Variants in PTPRO observed in about 807,000 individuals in gnomAD.
PTPRO encodes protein tyrosine phosphatase receptor type O.
A neutral mutation model predicts 145.2 loss-of-function variants in PTPRO; 62 were observed. That is an observed-to-expected ratio of 0.43 (90% CI 0.35 to 0.53). PTPRO has a LOEUF of 0.53. Ranked by LOEUF, PTPRO falls within the 20% of genes least tolerant of loss-of-function variation. The pLI is 0.01. For synonymous variants in PTPRO, 565 were observed against 514.7 expected (o/e 1.10, Z -1.32); for missense variants, 1,345 against 1,482.7 (o/e 0.91, Z 1.53).
At chr12:15,472,150 T>G (rs1450126201) in intron 1 of PTPRO, among the ~76,000 whole-genome samples, 1 of 152,214 alleles carries the variant, frequency 6.6e-6, no homozygotes, top group African/African-American at 2.4e-5. Flanking sequence ...TGATCATTTA[T>G]TGGGTTGCCA....
chr12:15,557,787 C>G (rs750487330), intron 16 of PTPRO, among the ~76,000 whole-genome samples: 3 of 152,056 alleles, frequency 2.0e-5, no homozygotes, highest in Non-Finnish European at 4.4e-5. Context: ...CACGCAGGAG[C>G]CCATACCTGT....
intron 1 of PTPRO, among the ~76,000 whole-genome samples, chr12:15,422,623 A>G (rs986977961): frequency 1.6e-4 from 24 of 152,306 alleles, no homozygotes; most frequent in African/African-American, 5.5e-4. Context: ...TTAGATAGAT[A>G]GGGGACTTGT....
chr12:15,363,335 T>C (rs1359757874), intron 1 of PTPRO, among the ~76,000 whole-genome samples: 3 of 152,170 alleles, frequency 2.0e-5, no homozygotes, highest in Non-Finnish European at 4.4e-5. Flanking sequence ...CATGCTCTAT[T>C]TTTCGAAGAA....
At chr12:15,473,851 A>C (rs1289091357) in intron 1 of PTPRO, among the ~76,000 whole-genome samples, 2 of 150,920 alleles carry the variant, frequency 1.3e-5, no homozygotes, top group Non-Finnish European at 3.0e-5. Context: ...ACTAGTATTT[A>C]TTGAGTTCAT....
intron 1 of PTPRO, among the ~76,000 whole-genome samples, chr12:15,329,927 A>C (rs1316662986): frequency 6.6e-6 from 1 of 152,238 alleles, no homozygotes; most frequent in East Asian, 1.9e-4. Flanking sequence ...ACACAAAGGC[A>C]GAGAAAACTG....
chr12:15,493,789 C>T (rs1032809310), intron 2 of PTPRO, among the ~76,000 whole-genome samples: 1 of 152,174 alleles, frequency 6.6e-6, no homozygotes, highest in Non-Finnish European at 1.5e-5. Context: ...CCCTTCTATT[C>T]AGGATTTTCA....
At chr12:15,461,148 G>C (rs1446737249) in intron 1 of PTPRO, among the ~76,000 whole-genome samples, 1 of 152,096 alleles carries the variant, frequency 6.6e-6, no homozygotes, top group African/African-American at 2.4e-5. Context: ...GGTTTCCTCT[G>C]CAAATAAGAA....
chr12:15,379,530 C>CA (rs1211403772), intron 1 of PTPRO, among the ~76,000 whole-genome samples: 13,627 of 49,136 alleles, frequency 0.28, 1,764 homozygotes, highest in Non-Finnish European at 0.39. Context: ...AGCTCCATCT[C>CA]AAAAAAAAAA....
chr12:15,414,011 C>A (rs981193614), intron 1 of PTPRO, among the ~76,000 whole-genome samples: 3 of 152,032 alleles, frequency 2.0e-5, no homozygotes, highest in African/African-American at 7.3e-5. Context: ...TCCCTAAGTA[C>A]AAATCATAAA....
At chr12:15,428,393 G>A (rs540610290) in intron 1 of PTPRO, among the ~76,000 whole-genome samples, 23 of 152,186 alleles carry the variant, frequency 1.5e-4, no homozygotes, top group African/African-American at 5.5e-4. Context: ...TTTGTGGGAG[G>A]AGAATACATG....
chr12:15,361,875 T>C (rs1938220927), intron 1 of PTPRO, among the ~76,000 whole-genome samples: 1 of 152,228 alleles, frequency 6.6e-6, no homozygotes, highest in South Asian at 2.1e-4. Flanking sequence ...ATTCATGTTA[T>C]AAATTAAATT....
chr12:15,386,389 T>C (rs1216432998), intron 1 of PTPRO, among the ~76,000 whole-genome samples: 1 of 152,024 alleles, frequency 6.6e-6, no homozygotes, highest in African/African-American at 2.4e-5. Flanking sequence ...TGAATAATAT[T>C]AAATGGAGCA....
chr12:15,517,021 T>C (rs765442398), intron 9 of PTPRO, 65 bp downstream of exon 9: 2 of 1,383,126 alleles, frequency 1.4e-6, no homozygotes, highest in Non-Finnish European at 2.1e-6. Context: ...ATGTACCAAA[T>C]GTGTCTTTAA....
At chr12:15,346,155 T>C (rs1867204232) in intron 1 of PTPRO, among the ~76,000 whole-genome samples, 1 of 152,210 alleles carries the variant, frequency 6.6e-6, no homozygotes. Flanking sequence ...CTGACAAACA[T>C]ATAAACTGCT....
At chr12:15,557,370 C>A (rs2135577788) in intron 15 of PTPRO, 85 bp from the exon 16 acceptor site, 1 of 1,185,170 alleles carries the variant, frequency 8.4e-7, no homozygotes, top group East Asian at 2.3e-5. Flanking sequence ...TGATGATAAG[C>A]TGGTAAAGAC....
chr12:15,326,333 T>C (rs1866446446), intron 1 of PTPRO, among the ~76,000 whole-genome samples: 1 of 152,224 alleles, frequency 6.6e-6, no homozygotes, highest in African/African-American at 2.4e-5. Context: ...GAAACCTTTT[T>C]ACATGTGACA....
intron 1 of PTPRO, among the ~76,000 whole-genome samples, chr12:15,378,175 A>T (rs1938743737): frequency 1.3e-5 from 2 of 152,084 alleles, no homozygotes; most frequent in East Asian, 1.9e-4. Context: ...ATGGAGAATT[A>T]AAAAAACAGA....
intron 1 of PTPRO, among the ~76,000 whole-genome samples, chr12:15,403,223 G>A (rs78833712): frequency 0.014 from 2,155 of 152,146 alleles, 59 homozygotes; most frequent in African/African-American, 0.049. Flanking sequence ...AGCTTCATCG[G>A]CATTTCTGGC....
intron 1 of PTPRO, among the ~76,000 whole-genome samples, chr12:15,395,564 C>T (rs1461041): frequency 0.038 from 5,737 of 152,016 alleles, 157 homozygotes; most frequent in East Asian, 0.12. Flanking sequence ...AATCATTGGT[C>T]TCTTATATTG....
Sources: allele counts gnomAD v4.1 joint callset (sites outside exome capture counted in the v4.1 genomes callset), GRCh38; gene constraint gnomAD v4.1.1; transcripts MANE v1.5; gene names NCBI Gene and HGNC (gene_info 2026-07-23, HGNC 2026-07-21).